The following CNTNAP2 variants were observed in gnomAD, a reference collection of about 807,000 sequenced individuals.
The protein encoded by CNTNAP2 is contactin associated protein 2.
A neutral mutation model predicts 155.2 loss-of-function variants in CNTNAP2; 98 were observed. The ratio of observed to expected loss-of-function variants is 0.63; its 90% CI spans 0.54 to 0.75. The LOEUF is 0.75. CNTNAP2 is among the 30% of genes least tolerant of loss of function. The pLI, the probability that CNTNAP2 is intolerant of heterozygous loss-of-function variation, is 0.00. For missense variants in CNTNAP2, 1,727 were observed against 1,688.1 expected (o/e 1.02, Z -0.40); for synonymous variants, 651 against 631.2 (o/e 1.03, Z -0.47).
At chr7:147,853,372 A>T (rs1469438815) in intron 13 of CNTNAP2, among the ~76,000 whole-genome samples, 1 of 152,218 alleles carries the variant, frequency 6.6e-6, no homozygotes, top group Non-Finnish European at 1.5e-5. Flanking sequence ...AAGCATAGAG[A>T]CAACCCATTT....
At chr7:147,113,421 T>C (rs1212851331) in intron 5 of CNTNAP2, among the ~76,000 whole-genome samples, 1 of 151,782 alleles carries the variant, frequency 6.6e-6, no homozygotes, top group African/African-American at 2.4e-5. Flanking sequence ...TATAAAGAAC[T>C]GCCCAAGACT....
chr7:146,844,082 A>T (rs147856231), intron 3 of CNTNAP2, among the ~76,000 whole-genome samples: 204 of 152,222 alleles, frequency 1.3e-3, no homozygotes, highest in African/African-American at 4.4e-3. Flanking sequence ...TTCTTATTAA[A>T]TGTTCATATG....
chr7:148,169,011 G>T (rs1305428311), intron 17 of CNTNAP2, among the ~76,000 whole-genome samples: 1 of 152,094 alleles, frequency 6.6e-6, no homozygotes, highest in Non-Finnish European at 1.5e-5. Flanking sequence ...AACTTTCATC[G>T]GGAAAAAGAA....
intron 14 of CNTNAP2, among the ~76,000 whole-genome samples, chr7:147,975,052 A>G (rs1230873655): frequency 6.6e-6 from 1 of 151,292 alleles, no homozygotes; most frequent in African/African-American, 2.4e-5. Flanking sequence ...TGTATTACGT[A>G]TAATACAATT....
chr7:147,024,089 G>C (rs1798859931), intron 3 of CNTNAP2, among the ~76,000 whole-genome samples: 1 of 152,042 alleles, frequency 6.6e-6, no homozygotes, highest in South Asian at 2.1e-4. Context: ...GTAGTATCCA[G>C]TATCTAATCC....
intron 11 of CNTNAP2, among the ~76,000 whole-genome samples, chr7:147,493,297 C>A (rs1009372767): frequency 6.6e-6 from 1 of 152,180 alleles, no homozygotes; most frequent in South Asian, 2.1e-4. Context: ...TCTTTCTAAT[C>A]GAGATATGGT....
chr7:147,869,134 G>A (rs994864348), intron 13 of CNTNAP2, among the ~76,000 whole-genome samples: 2 of 152,200 alleles, frequency 1.3e-5, no homozygotes, highest in African/African-American at 4.8e-5. Flanking sequence ...TTTCAATGCA[G>A]CCACTTTAGC....
intron 12 of CNTNAP2, among the ~76,000 whole-genome samples, chr7:147,587,139 G>A (rs1351375862): frequency 5.3e-5 from 8 of 152,194 alleles, no homozygotes; most frequent in Non-Finnish European, 1.5e-5. Flanking sequence ...TCTTAAGCAT[G>A]TGGACCACAG....
At chr7:146,399,490 C>A (rs1359607397) in intron 1 of CNTNAP2, among the ~76,000 whole-genome samples, 2 of 152,180 alleles carry the variant, frequency 1.3e-5, no homozygotes, top group African/African-American at 4.8e-5. Context: ...GATGTATTTG[C>A]AGATGACATA....
intron 2 of CNTNAP2, among the ~76,000 whole-genome samples, chr7:146,778,157 G>T (rs1459848741): frequency 6.6e-6 from 1 of 152,130 alleles, no homozygotes; most frequent in East Asian, 1.9e-4. Flanking sequence ...AACAAATTCA[G>T]TTGAGCATTA....
Position 146,839,891 on chromosome 7 carries a change from A to G in CNTNAP2, c.389A>G (p.Asp130Gly). ...AGAAACTGGAAACCCTATCATCAAG[A>G]TGGGAATATCTGGGTAAGTCATTGG... The part of the protein sequence containing the change: ...TGRNWKPYHQ[D>G]GNIWAFPGNI... The change falls in exon 3 of 24, where the codon GAT (aspartate) becomes GGT (glycine). Residue 130 changes from aspartate (D) to glycine (G), a missense_variant. Coordinates refer to ENST00000361727, the MANE Select transcript of CNTNAP2 (RefSeq NM_014141.6). 2.5e-6 allele frequency: 4 copies of G among 1,614,190 alleles called. No homozygotes were observed. The highest frequency in any genetic ancestry group is 1.7e-5 in the Admixed American group (1 of 60,020).
At chr7:148,341,000 G>C (rs771472774) in intron 21 of CNTNAP2, among the ~76,000 whole-genome samples, 76 of 152,280 alleles carry the variant, frequency 5.0e-4, no homozygotes, top group Non-Finnish European at 9.3e-4. Flanking sequence ...TCTTCTGAAC[G>C]GGTCTGCAAG....
chr7:147,568,646 T>C (rs1343679243), intron 12 of CNTNAP2, among the ~76,000 whole-genome samples: 1 of 152,208 alleles, frequency 6.6e-6, no homozygotes, highest in Non-Finnish European at 1.5e-5. Flanking sequence ...GTTAAAACTT[T>C]TGTGAATATA....
intron 1 of CNTNAP2, among the ~76,000 whole-genome samples, chr7:146,330,247 C>A (rs1437683836): frequency 6.6e-6 from 1 of 152,018 alleles, no homozygotes; most frequent in Non-Finnish European, 1.5e-5. Flanking sequence ...GTCTCGAACT[C>A]CCGACCTCAG....
chr7:146,821,818 A>T (rs10263999), intron 2 of CNTNAP2, among the ~76,000 whole-genome samples: 11,978 of 150,450 alleles, frequency 0.08, 1,481 homozygotes, highest in African/African-American at 0.27. Context: ...AAAGTCAGGA[A>T]AAAACAGGTG....
intron 3 of CNTNAP2, among the ~76,000 whole-genome samples, chr7:146,943,524 T>G (rs767429862): frequency 2.6e-5 from 4 of 151,992 alleles, no homozygotes; most frequent in Non-Finnish European, 5.9e-5. Context: ...AAAAGAGAGA[T>G]AGAGAAAATA....
At chr7:146,661,358 A>G (rs1446770796) in intron 1 of CNTNAP2, among the ~76,000 whole-genome samples, 15 of 152,002 alleles carry the variant, frequency 9.9e-5, no homozygotes, top group Admixed American at 9.8e-4. Flanking sequence ...GTACGGTTCT[A>G]CGAATTTTGG....
intron 16 of CNTNAP2, among the ~76,000 whole-genome samples, chr7:148,136,858 T>A (rs1006475346): frequency 3.9e-5 from 6 of 152,326 alleles, no homozygotes; most frequent in Admixed American, 2.6e-4. Context: ...TCTCACGTAT[T>A]TTATATGCGC....
chr7:147,187,583 A>G (rs368941547), intron 8 of CNTNAP2, among the ~76,000 whole-genome samples: 1 of 152,090 alleles, frequency 6.6e-6, no homozygotes, highest in Non-Finnish European at 1.5e-5. Flanking sequence ...TATGGGAGCA[A>G]TAGACCCTGG....
Sources: gnomAD v4.1 joint callset for allele counts (sites outside exome capture counted in the v4.1 genomes callset) on GRCh38, gnomAD v4.1.1 for gene constraint, MANE v1.5 for transcripts, NCBI Gene and HGNC (gene_info 2026-07-23, HGNC 2026-07-21) for gene names.